NRXN3: variants seen among roughly 807,000 people sequenced by gnomAD.
The protein encoded by NRXN3 is neurexin III.
Under a neutral mutation model 137.6 loss-of-function variants are expected in NRXN3, and 32 were observed. The observed-to-expected ratio is 0.23, with a 90% CI of 0.18 to 0.31. NRXN3 has a LOEUF of 0.31. NRXN3 is among the 10% of genes least tolerant of loss of function. The pLI, the probability that NRXN3 is intolerant of heterozygous loss-of-function variation, is 1.00. For synonymous variants in NRXN3, 798 were observed against 784.5 expected, an observed-to-expected ratio of 1.02 and a Z score of -0.29; for missense variants, 1,574 against 2,062.5, an observed-to-expected ratio of 0.76 and a Z score of 4.59.
At chr14:78,448,138 C>A (rs146443188) in intron 4 of NRXN3, among the ~76,000 whole-genome samples, 1 of 152,208 alleles carries the variant, frequency 6.6e-6, no homozygotes, top group African/African-American at 2.4e-5. Flanking sequence ...TCTAGAACTC[C>A]TAGATAGTCT....
At chr14:79,631,605 G>A (rs2098348586) in intron 16 of NRXN3, among the ~76,000 whole-genome samples, 1 of 152,278 alleles carries the variant, frequency 6.6e-6, no homozygotes, top group Non-Finnish European at 1.5e-5. Context: ...GCCCGTGCTA[G>A]GTTCCAAAGT....
At position 78,848,849 on chromosome 14, in the gene NRXN3, G is replaced by A. The variant is rs115311040; in HGVS notation, c.2275+38505G>A. On this transcript the variant is annotated intron_variant, in intron 10 of 20. Coordinates refer to ENST00000335750, the MANE Select transcript of NRXN3 (RefSeq NM_001330195.2). The stretch of plus-strand genomic sequence containing the variant: ...ATTGAGTAGCTGGGAGGAGTTGCTG[G>A]AAGTGATGAATTTACCCCAAGCCAT... Among the ~76,000 whole-genome samples the A allele has an allele frequency of 2.2e-3, 338 of 152,182 alleles. 2 individuals carry two copies. The highest frequency in any genetic ancestry group is 7.9e-3 in the African/African-American group (329 of 41,550).
At chr14:79,768,456 T>TCCGTGAC (rs1377075551) in intron 19 of NRXN3, among the ~76,000 whole-genome samples, 1 of 152,064 alleles carries the variant, frequency 6.6e-6, no homozygotes, top group Non-Finnish European at 1.5e-5. Context: ...CTCAAGTGGG[T>TCCGTGAC]CCCTGACCCC....
chr14:79,555,238 A>C (rs1263720106), intron 16 of NRXN3, among the ~76,000 whole-genome samples: 2 of 152,196 alleles, frequency 1.3e-5, no homozygotes, highest in Admixed American at 6.5e-5. Flanking sequence ...CTCAAAAAAT[A>C]GCAAGGAAAA....
intron 19 of NRXN3, among the ~76,000 whole-genome samples, chr14:79,763,693 G>A (rs1440297988): frequency 6.6e-6 from 1 of 151,518 alleles, no homozygotes; most frequent in Non-Finnish European, 1.5e-5. Flanking sequence ...TTCCAGTTAT[G>A]TCCTTACATG....
Position 78,486,191 on chromosome 14 carries a change from T to A in NRXN3, c.758-158929T>A, listed in dbSNP as rs535209107. On this transcript the variant is annotated intron_variant, in intron 4 of 20. Coordinates refer to ENST00000335750, the MANE Select transcript of NRXN3 (RefSeq NM_001330195.2). The stretch of plus-strand genomic sequence containing the variant: ...ACTGCTATAATAAGGAAGGCTAAAG[T>A]GTTGAGGGATCCTTTGGGAATGTAA... Among the ~76,000 whole-genome samples the A allele has an allele frequency of 2.6e-5, 4 of 152,318 alleles. No homozygotes were observed. In the South Asian group the frequency reaches 8.3e-4, roughly 32 times the overall value.
intron 4 of NRXN3, among the ~76,000 whole-genome samples, chr14:78,490,341 A>T (rs2095644332): frequency 6.6e-6 from 1 of 152,186 alleles, no homozygotes; most frequent in African/African-American, 2.4e-5. Flanking sequence ...CCTTATGCAC[A>T]GTGGGCATAC....
chr14:79,754,620 A>G (rs2099013044), intron 19 of NRXN3, among the ~76,000 whole-genome samples: 1 of 148,558 alleles, frequency 6.7e-6, no homozygotes, highest in African/African-American at 2.5e-5. Context: ...ACACACACGT[A>G]TGTATATTTA....
At chr14:78,669,990 C>T (rs999487220) in intron 6 of NRXN3, among the ~76,000 whole-genome samples, 1 of 152,016 alleles carries the variant, frequency 6.6e-6, no homozygotes, top group Non-Finnish European at 1.5e-5. Context: ...AGGTATTTCT[C>T]CTAATGTTAT....
intron 15 of NRXN3, among the ~76,000 whole-genome samples, chr14:79,001,058 TC>T (rs373919828): frequency 4.9e-4 from 75 of 152,268 alleles, no homozygotes; most frequent in Middle Eastern, 6.8e-3. Context: ...ATATTTGGTT[TC>T]CTAGGTAATA....
chr14:78,623,714 C>G (rs2097427645), intron 4 of NRXN3, among the ~76,000 whole-genome samples: 1 of 152,134 alleles, frequency 6.6e-6, no homozygotes, highest in Admixed American at 6.5e-5. Context: ...TTTATAGGCA[C>G]ACACCACCAC....
At chr14:78,208,710 A>G (rs1326724150) in intron 1 of NRXN3, among the ~76,000 whole-genome samples, 5 of 152,196 alleles carry the variant, frequency 3.3e-5, no homozygotes, top group Admixed American at 2.6e-4. Context: ...TCTGAGCCTC[A>G]TCTGTAAGAT....
At chr14:78,413,700 G>A (rs544467826) in intron 4 of NRXN3, among the ~76,000 whole-genome samples, 7 of 152,168 alleles carry the variant, frequency 4.6e-5, no homozygotes, top group Non-Finnish European at 8.8e-5. Context: ...GAAGGATGAG[G>A]TGCAGCGTAA....
chr14:78,870,822 A>T lies in NRXN3; in HGVS notation c.2275+60478A>T, dbSNP rs534872925. On this transcript the variant is annotated intron_variant, in intron 10 of 20. Coordinates refer to ENST00000335750, the MANE Select transcript of NRXN3 (RefSeq NM_001330195.2). ...TGTGCCTGGCTTACTTCTTAACATA[A>T]TGTGCTTCATTCCATTATTTCTTAA... Among the ~76,000 whole-genome samples, 4 of 151,934 alleles carry T rather than the reference A, an allele frequency of 2.6e-5. No individual in the cohort carries two copies. In the South Asian group the frequency reaches 8.3e-4, roughly 32 times the overall value.
In NRXN3 at chr14:79,076,240, G is replaced by C. The variant is rs558803928; in HGVS notation, c.3262+88099G>C. 2.6e-5 allele frequency among the ~76,000 whole-genome samples: 4 copies of C among 152,278 alleles called. No homozygotes were observed. The South Asian group carries it at 8.3e-4, about 32-fold the overall frequency. On this transcript the variant is annotated intron_variant, in intron 15 of 20. Coordinates refer to ENST00000335750, the MANE Select transcript of NRXN3 (RefSeq NM_001330195.2). ...CTAAATAATGGTGACTAGAGAGGAG[G>C]AAATGGTGTTATATTAGTTCTCTAT...
intron 4 of NRXN3, among the ~76,000 whole-genome samples, chr14:78,447,160 A>G (rs879634152): frequency 6.6e-6 from 1 of 152,212 alleles, no homozygotes; most frequent in Non-Finnish European, 1.5e-5. Context: ...CCTCAGGCAA[A>G]CCACCTAACC....
chr14:78,268,219 G>A (rs2072116070), intron 2 of NRXN3, among the ~76,000 whole-genome samples: 1 of 151,954 alleles, frequency 6.6e-6, no homozygotes, highest in Admixed American at 6.6e-5. Flanking sequence ...GAAGACTTGG[G>A]ATATTAAAAA....
intron 17 of NRXN3, among the ~76,000 whole-genome samples, chr14:79,678,215 A>T (rs1454981926): frequency 6.6e-6 from 1 of 152,032 alleles, no homozygotes; most frequent in African/African-American, 2.4e-5. Flanking sequence ...GAGTTTGAGC[A>T]GTTACTGTAT....
At chr14:78,322,525 G>T (rs557255057) in intron 4 of NRXN3, among the ~76,000 whole-genome samples, 2 of 152,032 alleles carry the variant, frequency 1.3e-5, no homozygotes, top group South Asian at 2.1e-4. Context: ...CCTTCTGTGG[G>T]GCTGCAGACA....
Sources: gnomAD v4.1 joint callset for allele counts (sites outside exome capture counted in the v4.1 genomes callset) on GRCh38, gnomAD v4.1.1 for gene constraint, MANE v1.5 for transcripts, NCBI Gene and HGNC (gene_info 2026-07-23, HGNC 2026-07-21) for gene names.